Variants in SOX6 observed in about 807,000 individuals in gnomAD.
SOX6 encodes transcription factor SOX-6.
In SOX6, 11 loss-of-function variants were observed where a neutral mutation model predicts 97.8. The observed-to-expected ratio is 0.11, with a 90% CI of 0.07 to 0.19. The LOEUF is 0.19. SOX6 is among the 10% of genes least tolerant of loss of function. SOX6 has a pLI of 1.00. For synonymous variants in SOX6, 360 were observed against 371.4 expected (o/e 0.97, Z 0.35); for missense variants, 810 against 1,039.5 (o/e 0.78, Z 3.04).
chr11:16,025,960 A>G (rs1362875737), intron 12 of SOX6, among the ~76,000 whole-genome samples: 2 of 152,184 alleles, frequency 1.3e-5, no homozygotes, highest in Non-Finnish European at 2.9e-5. Flanking sequence ...TCATTCAAAC[A>G]GCAATGTGAC....
At chr11:16,233,529 C>T (rs1178849258) in intron 4 of SOX6, among the ~76,000 whole-genome samples, 1 of 152,040 alleles carries the variant, frequency 6.6e-6, no homozygotes, top group African/African-American at 2.4e-5. Flanking sequence ...AAATGCTAAA[C>T]CTGATGAAAT....
At chr11:16,612,500 C>A (rs1043283177) in intron 3 of SOX6, among the ~76,000 whole-genome samples, 3 of 142,692 alleles carry the variant, frequency 2.1e-5, no homozygotes, top group Non-Finnish European at 1.5e-5. Flanking sequence ...ATCTTTTTGG[C>A]ATCTCAAATG....
chr11:16,466,546 TG>T (rs1181115677), intron 1 of SOX6, among the ~76,000 whole-genome samples: 2 of 151,490 alleles, frequency 1.3e-5, no homozygotes, highest in Non-Finnish European at 2.9e-5. Context: ...ATCTACAGAA[TG>T]GGGGAAGATT....
At chr11:16,427,127 A>G (rs1211248676) in intron 1 of SOX6, among the ~76,000 whole-genome samples, 1 of 152,014 alleles carries the variant, frequency 6.6e-6, no homozygotes, top group Admixed American at 6.5e-5. Context: ...GACAAATGGG[A>G]TCTAATTAAA....
At chr11:16,292,111 A>C (rs1211334777) in intron 3 of SOX6, among the ~76,000 whole-genome samples, 5 of 152,144 alleles carry the variant, frequency 3.3e-5, no homozygotes, top group Non-Finnish European at 5.9e-5. Flanking sequence ...TAGCCCATTC[A>C]AACAAGATTA....
intron 9 of SOX6, among the ~76,000 whole-genome samples, chr11:16,079,490 G>A (rs910308433): frequency 6.6e-6 from 1 of 151,982 alleles, no homozygotes; most frequent in African/African-American, 2.4e-5. Flanking sequence ...AGCAGACTTT[G>A]AAAGATTGCA....
chr11:16,565,582 A>C (rs1847860883), intron 4 of SOX6, among the ~76,000 whole-genome samples: 1 of 152,006 alleles, frequency 6.6e-6, no homozygotes, highest in African/African-American at 2.4e-5. Flanking sequence ...CCCATAACAC[A>C]CTCTCTTCTT....
At chr11:16,480,779 C>T (rs1036653424), upstream of SOX6, among the ~76,000 whole-genome samples, 1 of 152,016 alleles carries the variant, frequency 6.6e-6, no homozygotes, top group African/African-American at 2.4e-5. Context: ...TAAAGTGCTT[C>T]CAAAACACCT....
chr11:16,044,891 C>A (rs1434230405), intron 12 of SOX6, among the ~76,000 whole-genome samples: 1 of 152,122 alleles, frequency 6.6e-6, no homozygotes. Flanking sequence ...AGCTTACCTT[C>A]TGGGACTCAG....
chr11:16,547,189 T>C (rs1847631342), intron 4 of SOX6, among the ~76,000 whole-genome samples: 3 of 152,148 alleles, frequency 2.0e-5, no homozygotes, highest in Admixed American at 6.5e-5. Context: ...ACAACCACTA[T>C]GGAAAACAGT....
At chr11:16,268,822 A>G (rs1185146189) in intron 3 of SOX6, among the ~76,000 whole-genome samples, 1 of 151,054 alleles carries the variant, frequency 6.6e-6, no homozygotes, top group East Asian at 1.9e-4. Context: ...TTTATATATT[A>G]GGAATATTAG....
intron 3 of SOX6, among the ~76,000 whole-genome samples, chr11:16,253,910 C>T (rs1853598348): frequency 6.6e-6 from 1 of 151,890 alleles, no homozygotes; most frequent in African/African-American, 2.4e-5. Context: ...AAAAATACAC[C>T]TAGGCACATC....
chr11:16,188,750 A>G (rs574762439), intron 4 of SOX6, among the ~76,000 whole-genome samples: 116 of 152,270 alleles, frequency 7.6e-4, no homozygotes, highest in Non-Finnish European at 1.3e-3. Flanking sequence ...CCCTATTCTT[A>G]GGCATTTTGT....
At chr11:16,611,782 C>T (rs2133982911) in intron 4 of SOX6, among the ~76,000 whole-genome samples, 1 of 152,246 alleles carries the variant, frequency 6.6e-6, no homozygotes, top group Middle Eastern at 3.4e-3. Context: ...TTTAAGTGGA[C>T]AGAGAATAAC....
chr11:16,008,925 G>A lies in SOX6; in HGVS notation c.1732+6017C>T, dbSNP rs376646618. Among the ~76,000 whole-genome samples the A allele has an allele frequency of 3.3e-5, 5 of 151,918 alleles. No homozygotes were observed. The East Asian group carries it at 5.8e-4, about 18-fold the overall frequency. ...TGTTACTCCTTTTCACCAGGTCTTG[G>A]GCCTCCCTCACTACCCATCCTGGCC... On this transcript the variant is annotated intron_variant, in intron 13 of 15. Transcript: ENST00000683767.
intron 4 of SOX6, among the ~76,000 whole-genome samples, chr11:16,506,168 A>G (rs1860785463): frequency 6.6e-6 from 1 of 152,218 alleles, no homozygotes; most frequent in Non-Finnish European, 1.5e-5. Flanking sequence ...ACTCAACACC[A>G]GTCCATCAAA....
chr11:16,647,278 T>C (rs1054638337), intron 3 of SOX6, among the ~76,000 whole-genome samples: 119 of 152,298 alleles, frequency 7.8e-4, no homozygotes, highest in Non-Finnish European at 1.6e-4. Flanking sequence ...ATGATTTCTA[T>C]GCCCCTCCCC....
chr11:16,264,936 G>C (rs1854029122), intron 3 of SOX6: 1 of 151,480 alleles, frequency 6.6e-6, no homozygotes, highest in East Asian at 1.9e-4. Flanking sequence ...AGTATCCCTT[G>C]AGAGAGAGTA....
intron 1 of SOX6, among the ~76,000 whole-genome samples, chr11:16,423,400 T>G (rs958909491): frequency 6.6e-6 from 1 of 152,210 alleles, no homozygotes; most frequent in Non-Finnish European, 1.5e-5. Flanking sequence ...GATTAATAAA[T>G]GCAAATGATG....
Sources: allele counts gnomAD v4.1 joint callset (sites outside exome capture counted in the v4.1 genomes callset), GRCh38; gene constraint gnomAD v4.1.1; transcripts MANE v1.5; gene names NCBI Gene and HGNC (gene_info 2026-07-23, HGNC 2026-07-21).